Variants in C5orf46 observed in about 807,000 individuals in gnomAD.
C5orf46 encodes the protein uncharacterized protein C5orf46.
Under a neutral mutation model 8.9 loss-of-function variants are expected in C5orf46, and 9 were observed. That is an observed-to-expected ratio of 1.01 (90% CI 0.61 to 1.76). The LOEUF (loss-of-function observed/expected upper bound fraction) is 1.76. Ranked by LOEUF, C5orf46 falls within the 40% of genes most tolerant of loss-of-function variation. C5orf46 has a pLI of 0.00. For missense variants in C5orf46, 98 were observed against 107.8 expected (o/e 0.91, Z 0.40); for synonymous variants, 47 against 41.4 (o/e 1.14, Z -0.52).
chr5:147,886,314 T>C (rs925704159), intron 2 of C5orf46: 2 of 152,100 alleles, frequency 1.3e-5, no homozygotes, highest in Non-Finnish European at 2.9e-5. Flanking sequence ...TTTTGCAAGA[T>C]ACTACCATTG....
chr5:147,899,920 G>A (rs556494566), intron 2 of C5orf46, among the ~76,000 whole-genome samples: 1 of 152,280 alleles, frequency 6.6e-6, no homozygotes, highest in East Asian at 1.9e-4. Flanking sequence ...ATGAGGGAAA[G>A]GGAAACCAGT....
At chr5:147,897,994 T>G (rs1171115162) in intron 2 of C5orf46, among the ~76,000 whole-genome samples, 1 of 152,186 alleles carries the variant, frequency 6.6e-6, no homozygotes, top group African/African-American at 2.4e-5. Flanking sequence ...ACATTTGACA[T>G]CAGCCTAATG....
chr5:147,888,145 T>G (rs553687759), downstream of C5orf46, among the ~76,000 whole-genome samples: 3 of 152,316 alleles, frequency 2.0e-5, no homozygotes, highest in African/African-American at 7.2e-5. Context: ...TCCCTCTCCC[T>G]GACACGTCAT....
chr5:147,893,261 A>AAAAACT (rs1410399392), intron 3 of C5orf46, among the ~76,000 whole-genome samples: 1 of 152,004 alleles, frequency 6.6e-6, no homozygotes, highest in Admixed American at 6.6e-5. Context: ...TGAAAAAGAA[A>AAAAACT]AAAACTAAGT....
chr5:147,888,073 C>T (rs1200595924), downstream of C5orf46, among the ~76,000 whole-genome samples: 1 of 152,176 alleles, frequency 6.6e-6, no homozygotes, highest in African/African-American at 2.4e-5. Flanking sequence ...TGAGTGGCAA[C>T]ACTGCATATG....
At chr5:147,893,652 C>G (rs1757536613) in intron 3 of C5orf46, among the ~76,000 whole-genome samples, 1 of 152,170 alleles carries the variant, frequency 6.6e-6, no homozygotes, top group African/African-American at 2.4e-5. Context: ...AAGCGATTCT[C>G]CTGCCTCAGC....
At chr5:147,904,175 T>C (rs7715834) in intron 1 of C5orf46, among the ~76,000 whole-genome samples, 2 of 152,126 alleles carry the variant, frequency 1.3e-5, no homozygotes, top group Admixed American at 1.3e-4. Context: ...TTTGTTTTTA[T>C]TGTGGGAAGG....
chr5:147,896,503 T>G (rs1757581684), intron 3 of C5orf46, among the ~76,000 whole-genome samples: 1 of 152,152 alleles, frequency 6.6e-6, no homozygotes, highest in African/African-American at 2.4e-5. Flanking sequence ...GAGACCCGAG[T>G]AGGGAAAAAG....
chr5:147,891,134 A>G (rs1224593513), downstream of C5orf46, among the ~76,000 whole-genome samples: 2 of 152,176 alleles, frequency 1.3e-5, no homozygotes, highest in Non-Finnish European at 2.9e-5. Flanking sequence ...CAATTTTGGT[A>G]TCTTAGGCAT....
chr5:147,901,751 G>A lies in C5orf46; in HGVS notation c.93C>T (p.Asp31=), dbSNP rs371039691. 46 of 1,613,768 alleles carry A rather than the reference G, an allele frequency of 2.9e-5. No homozygotes were observed. The highest frequency in any genetic ancestry group is 8.9e-5 in the East Asian group (4 of 44,848). ...CYADDKPDKP[D]DKPDDSGKDP... ...CTTTGCCCGAGTCGTCTGGCTTGTC[G>A]TCTGGCTTGTCTGGTTTGTCGTCTG... Residue 31 remains aspartate (D), a synonymous_variant, in exon 2 of 4, where the codon GAC becomes GAT. Transcript: ENST00000318315.
chr5:147,901,756 G>T lies in C5orf46; in HGVS notation c.88C>A (p.Pro30Thr), dbSNP rs760528553. The T allele has an allele frequency of 4.3e-6, 7 of 1,613,714 alleles. No homozygotes were observed. Among genetic ancestry groups the T allele is most frequent in the African/African-American group, 2.7e-5 (2 of 74,896 alleles). ...CCCGAGTCGTCTGGCTTGTCGTCTG[G>T]CTTGTCTGGTTTGTCGTCTGAAAAA... ...TCYADDKPDK[P>T]DDKPDDSGKD... is the part of the protein sequence containing the mutation. Residue 30 changes from proline to threonine, a missense_variant, in exon 2 of 4, where the codon CCA (proline) becomes ACA (threonine). Transcript: ENST00000318315.
chr5:147,890,412 A>T (rs1757484403), downstream of C5orf46, among the ~76,000 whole-genome samples: 1 of 152,226 alleles, frequency 6.6e-6, no homozygotes, highest in African/African-American at 2.4e-5. Flanking sequence ...AAAAAAGGCC[A>T]AATTCTTGCC....
chr5:147,896,857 T>A (rs1050305336), intron 3 of C5orf46, 127 bp downstream of exon 3: 1 of 433,850 alleles, frequency 2.3e-6, no homozygotes, highest in South Asian at 6.7e-5. Flanking sequence ...TTTATTTTTT[T>A]AAAATGTACT....
downstream of C5orf46, among the ~76,000 whole-genome samples, chr5:147,887,949 G>T (rs887509829): frequency 6.6e-6 from 1 of 152,156 alleles, no homozygotes; most frequent in Non-Finnish European, 1.5e-5. Context: ...CAGGAGCACA[G>T]GGACACAAGC....
downstream of C5orf46, among the ~76,000 whole-genome samples, chr5:147,889,355 G>A (rs1336094581): frequency 6.6e-6 from 1 of 152,160 alleles, no homozygotes. Flanking sequence ...AACAATATTG[G>A]TTGCTGATAT....
chr5:147,896,017 A>C (rs555185630), intron 3 of C5orf46, among the ~76,000 whole-genome samples: 7 of 152,294 alleles, frequency 4.6e-5, no homozygotes, highest in Non-Finnish European at 8.8e-5. Flanking sequence ...CACAAACAGA[A>C]GTTGGGAAAG....
rs142687308 is a variant in C5orf46 at position 147,896,428 on chromosome 5, A to G, written c.*9+556T>C. Among the ~76,000 whole-genome samples, 264 of 152,306 alleles carry G rather than the reference A, an allele frequency of 1.7e-3. 1 individual carries two copies. The highest frequency in any genetic ancestry group is 9.6e-3 in the East Asian group (50 of 5,186). On this transcript the variant is annotated intron_variant, in intron 3 of 3. Transcript: ENST00000318315. Reference sequence around the variant, plus strand: ...AGTAAGAACACAGTTCATACCAGCTACTAATATTACTACTTTTCCAGATCT... The same window carrying G: ...AGTAAGAACACAGTTCATACCAGCTGCTAATATTACTACTTTTCCAGATCT...
downstream of C5orf46, among the ~76,000 whole-genome samples, chr5:147,888,232 T>C (rs1757451872): frequency 6.6e-6 from 1 of 152,210 alleles, no homozygotes; most frequent in Admixed American, 6.5e-5. Context: ...TCTGTCTGCA[T>C]TGACCCTCCC....
downstream of C5orf46, among the ~76,000 whole-genome samples, chr5:147,889,816 A>T (rs1298138450): frequency 6.6e-6 from 1 of 152,124 alleles, no homozygotes; most frequent in Non-Finnish European, 1.5e-5. Context: ...ATCATATCTA[A>T]TTTTTGTACT....
Sources: gnomAD v4.1 joint callset for allele counts (sites outside exome capture counted in the v4.1 genomes callset) on GRCh38, gnomAD v4.1.1 for gene constraint, MANE v1.5 for transcripts, NCBI Gene and HGNC (gene_info 2026-07-23, HGNC 2026-07-21) for gene names.